DLG2: variants seen among roughly 807,000 people sequenced by gnomAD.
DLG2 encodes the protein disks large homolog 2.
In DLG2, 45 loss-of-function variants were observed where a neutral mutation model predicts 132.5. The ratio of observed to expected loss-of-function variants is 0.34; its 90% confidence interval spans 0.27 to 0.44. The LOEUF is 0.44. DLG2 is among the 20% of genes least tolerant of loss of function. DLG2 has a pLI of 1.00. For synonymous variants in DLG2, 424 were observed against 419.6 expected, an observed-to-expected ratio of 1.01 and a Z score of -0.13; for missense variants, 1,045 against 1,196.9, an observed-to-expected ratio of 0.87 and a Z score of 1.87.
At chr11:84,731,060 T>C (rs994308352) in intron 6 of DLG2, among the ~76,000 whole-genome samples, 2 of 152,016 alleles carry the variant, frequency 1.3e-5, no homozygotes, top group African/African-American at 2.4e-5. Context: ...TATAAGAAAA[T>C]TACCTTTTGG....
At chr11:83,629,530 A>G (rs1447292737) in intron 19 of DLG2, among the ~76,000 whole-genome samples, 1 of 152,064 alleles carries the variant, frequency 6.6e-6, no homozygotes, top group Non-Finnish European at 1.5e-5. Flanking sequence ...TCCTTTTATC[A>G]AAACAAAGGA....
intron 6 of DLG2, among the ~76,000 whole-genome samples, chr11:84,967,108 A>C (rs956160679): frequency 6.6e-6 from 1 of 152,122 alleles, no homozygotes; most frequent in Non-Finnish European, 1.5e-5. Context: ...AAATCAACAG[A>C]TTATAAACCA....
chr11:83,876,403 T>G (rs147799832), intron 15 of DLG2, among the ~76,000 whole-genome samples: 394 of 152,186 alleles, frequency 2.6e-3, no homozygotes, highest in African/African-American at 9.1e-3. Flanking sequence ...GTGTATAACT[T>G]TAGTGATAAA....
At position 85,462,945 on chromosome 11, in the gene DLG2, C is replaced by A. The variant is rs1339842231; in HGVS notation, c.40+135712G>T. ...ATGTCCTTATAAGAAGGTTCACAAG[C>A]AAGCTGTATCTCTCTTCACACATGC... On this transcript the variant is annotated intron_variant, in intron 3 of 27. Coordinates refer to ENST00000376104, the MANE Select transcript of DLG2 (RefSeq NM_001142699.3). Among the ~76,000 whole-genome samples the A allele has an allele frequency of 2.0e-5, 3 of 152,272 alleles. No individual in the cohort carries two copies. In the South Asian group the frequency reaches 6.2e-4, roughly 32 times the overall value.
Position 85,136,479 on chromosome 11 carries a change from A to AT in DLG2, c.282+18076dup, listed in dbSNP as rs58507682. 1.0e-3 allele frequency among the ~76,000 whole-genome samples: 150 copies of AT among 146,862 alleles called. 1 individual carries two copies. Among genetic ancestry groups the AT allele is most frequent in the South Asian group, 3.4e-3 (16 of 4,660 alleles). On this transcript the variant is annotated intron_variant, in intron 5 of 27. Transcript: ENST00000376104. ...AATTAACAAGGTATTGACATGAAGC[A>AT]TTTTTTTTTTTAACAGACACAGTGC...
intron 15 of DLG2, among the ~76,000 whole-genome samples, chr11:83,905,124 G>A (rs771456547): frequency 1.3e-5 from 2 of 152,024 alleles, no homozygotes; most frequent in Non-Finnish European, 2.9e-5. Flanking sequence ...AATAATAATG[G>A]CTAATATTTA....
At chr11:85,311,544 T>G (rs576301605) in intron 3 of DLG2, among the ~76,000 whole-genome samples, 1 of 152,212 alleles carries the variant, frequency 6.6e-6, no homozygotes, top group African/African-American at 2.4e-5. Flanking sequence ...CCCCTTTACA[T>G]GATAATCTGA....
At chr11:84,143,062 G>A (rs987588631) in intron 9 of DLG2, among the ~76,000 whole-genome samples, 1 of 152,024 alleles carries the variant, frequency 6.6e-6, no homozygotes, top group Non-Finnish European at 1.5e-5. Context: ...GAGATTTTTC[G>A]GTAACCTATC....
intron 7 of DLG2, among the ~76,000 whole-genome samples, chr11:84,486,500 T>C (rs1603096105): frequency 6.6e-6 from 1 of 152,240 alleles, no homozygotes; most frequent in Non-Finnish European, 1.5e-5. Context: ...AGTCCCAAAG[T>C]TGCAGGGTGA....
At chr11:83,724,453 CT>C (rs2089492410) in intron 18 of DLG2, among the ~76,000 whole-genome samples, 2 of 127,864 alleles carry the variant, frequency 1.6e-5, no homozygotes, top group Non-Finnish European at 3.2e-5. Flanking sequence ...ATCAATCTCT[CT>C]CTCCGTGTGT....
rs1045956850 is a variant in DLG2, at chr11:83,709,356, T to TAC, written c.1826-76033_1826-76032dup. Among the ~76,000 whole-genome samples, 234 of 147,770 alleles carry TAC rather than the reference T, an allele frequency of 1.6e-3. 1 individual carries two copies. The highest frequency in any genetic ancestry group is 8.6e-3 in the South Asian group (41 of 4,750). ...TATATATACATATATATAATATATA[T>TAC]ACACACACACACACATATATATATA... On this transcript the variant is annotated intron_variant, in intron 18 of 27. Coordinates refer to ENST00000376104, the MANE Select transcript of DLG2 (RefSeq NM_001142699.3).
intron 9 of DLG2, among the ~76,000 whole-genome samples, chr11:84,136,833 T>C (rs1469178340): frequency 6.6e-6 from 1 of 152,150 alleles, no homozygotes; most frequent in African/African-American, 2.4e-5. Flanking sequence ...ATTCATTTGC[T>C]GGGAGCTGAA....
chr11:83,688,326 T>A (rs2080201676), intron 18 of DLG2, among the ~76,000 whole-genome samples: 1 of 152,186 alleles, frequency 6.6e-6, no homozygotes, highest in Admixed American at 6.5e-5. Flanking sequence ...GGGTTCAGGA[T>A]TTGTGGGCTT....
intron 19 of DLG2, among the ~76,000 whole-genome samples, chr11:83,577,616 CAT>C (rs1203937105): frequency 5.1e-3 from 488 of 95,662 alleles, no homozygotes; most frequent in Non-Finnish European, 7.6e-3. Flanking sequence ...TATATTATAA[CAT>C]ATATATGTTA....
rs867938470 is a variant in DLG2 at position 85,217,316 on chromosome 11, T to A, written c.187-62665A>T. On this transcript the variant is annotated intron_variant, in intron 4 of 27. Transcript: ENST00000376104. The stretch of plus-strand genomic sequence containing the variant: ...CACCATCACCTAGATTCTCTCTCTC[T>A]CTCACACACACACACACACACACAC... Among the ~76,000 whole-genome samples, 690 of 138,328 alleles carry A rather than the reference T, an allele frequency of 5.0e-3. 5 individuals are homozygous for A. The highest frequency in any genetic ancestry group is 7.3e-3 in the Middle Eastern group (2 of 274). The allele number at this position is 138,328 out of a possible 152,430, so 90.7% of individuals were successfully genotyped here.
chr11:84,587,798 C>A (rs531326429), intron 6 of DLG2, among the ~76,000 whole-genome samples: 1 of 152,114 alleles, frequency 6.6e-6, no homozygotes, highest in Admixed American at 6.6e-5. Flanking sequence ...ATTATGCAGT[C>A]CATGCTATTT....
chr11:84,570,530 G>A (rs1345221571), intron 6 of DLG2, among the ~76,000 whole-genome samples: 4 of 152,116 alleles, frequency 2.6e-5, no homozygotes, highest in Admixed American at 1.3e-4. Context: ...CACATAGTAG[G>A]TGTTGCATAG....
chr11:84,065,490 G>T (rs1323322459), intron 10 of DLG2, among the ~76,000 whole-genome samples: 1 of 152,122 alleles, frequency 6.6e-6, no homozygotes, highest in African/African-American at 2.4e-5. Flanking sequence ...AATCATTAGA[G>T]AAATGCAAAT....
chr11:84,272,944 C>T (rs1333761756), intron 7 of DLG2, among the ~76,000 whole-genome samples: 1 of 152,096 alleles, frequency 6.6e-6, no homozygotes, highest in Non-Finnish European at 1.5e-5. Context: ...ACTGTTTATT[C>T]TTTCTCACCG....
Sources: allele counts gnomAD v4.1 joint callset (sites outside exome capture counted in the v4.1 genomes callset), GRCh38; gene constraint gnomAD v4.1.1; transcripts MANE v1.5; gene names NCBI Gene and HGNC (gene_info 2026-07-23, HGNC 2026-07-21).